WDR70: variants seen among roughly 807,000 people sequenced by gnomAD.
The protein encoded by WDR70 is WD repeat domain 70.
Under a neutral mutation model 88.6 loss-of-function variants are expected in WDR70, and 53 were observed. That is an observed-to-expected ratio of 0.60 (90% CI 0.48 to 0.75). The LOEUF is 0.75. Ranked by LOEUF, WDR70 falls within the 30% of genes least tolerant of loss-of-function variation. The pLI is 0.00. For missense variants in WDR70, 610 were observed against 823.2 expected (o/e 0.74, Z 3.17); for synonymous variants, 280 against 270.0 (o/e 1.04, Z -0.36).
chr5:37,382,622 G>A (rs1211231134), intron 3 of WDR70, among the ~76,000 whole-genome samples: 1 of 152,044 alleles, frequency 6.6e-6, no homozygotes, highest in Non-Finnish European at 1.5e-5. Flanking sequence ...ATGTTAGCCA[G>A]GATGGTCTTG....
chr5:37,751,951 G>C (rs1561106082), intron 17 of WDR70, among the ~76,000 whole-genome samples: 1 of 152,122 alleles, frequency 6.6e-6, no homozygotes, highest in East Asian at 1.9e-4. Flanking sequence ...GGAATGCGGG[G>C]GATATTCGTT....
chr5:37,506,104 G>A (rs1296302201), intron 8 of WDR70: 1 of 1,186,054 alleles, frequency 8.4e-7, no homozygotes, highest in Non-Finnish European at 1.3e-6. Context: ...AGATTTGCAT[G>A]TGCAAGATTG....
chr5:37,546,042 A>T (rs1741981503), intron 9 of WDR70, among the ~76,000 whole-genome samples: 1 of 152,208 alleles, frequency 6.6e-6, no homozygotes, highest in Non-Finnish European at 1.5e-5. Flanking sequence ...TATCCAATAT[A>T]AGATAATAAA....
At chr5:37,696,929 T>A (rs1358039336) in intron 10 of WDR70, among the ~76,000 whole-genome samples, 1 of 152,204 alleles carries the variant, frequency 6.6e-6, no homozygotes, top group Non-Finnish European at 1.5e-5. Context: ...AGAAGGATTA[T>A]AATGAAGTAT....
rs114294398 is a variant in WDR70 at position 37,668,654 on chromosome 5, G to A, written c.1093-29001G>A. Among the ~76,000 whole-genome samples, 544 of 152,270 alleles carry A rather than the reference G, an allele frequency of 3.6e-3. 3 individuals are homozygous for A. The highest frequency in any genetic ancestry group is 0.012 in the African/African-American group (513 of 41,552). ...ACAGGGAGCCAGAAGATTCCAGAGC[G>A]GTGGCATCATATTCTGCCTGTGACT... On this transcript the variant is annotated intron_variant, in intron 10 of 17. Coordinates refer to ENST00000265107, the MANE Select transcript of WDR70 (RefSeq NM_018034.4).
intron 17 of WDR70, among the ~76,000 whole-genome samples, chr5:37,752,140 C>T (rs10075844): frequency 0.99 from 150,223 of 152,286 alleles, 74,126 homozygotes; most frequent in East Asian, 1. Context: ...GACTGTAGTT[C>T]GTTCTTCCAT....
intron 9 of WDR70, among the ~76,000 whole-genome samples, chr5:37,534,513 T>C (rs1266216520): frequency 6.6e-6 from 1 of 151,598 alleles, no homozygotes; most frequent in Admixed American, 6.6e-5. Flanking sequence ...TTTTTTTTTT[T>C]TGTGACAAAA....
At position 37,432,530 on chromosome 5, in the gene WDR70, A is replaced by C. The variant is rs551689592; in HGVS notation, c.493-5392A>C. Among the ~76,000 whole-genome samples the C allele has an allele frequency of 1.5e-4, 22 of 151,286 alleles. No individual in the cohort carries two copies. In the East Asian group the frequency reaches 4.1e-3, roughly 28 times the overall value. ...CAGCCTCCTGAGTAGCTGGGACTAC[A>C]GGCGTGTGCCACCACGCCCGGCTAA... On this transcript the variant is annotated intron_variant, in intron 5 of 17. Coordinates refer to ENST00000265107, the MANE Select transcript of WDR70 (RefSeq NM_018034.4).
intron 10 of WDR70, among the ~76,000 whole-genome samples, chr5:37,622,890 A>G (rs1273676816): frequency 6.6e-6 from 1 of 152,186 alleles, no homozygotes; most frequent in African/African-American, 2.4e-5. Context: ...TTAATGTATA[A>G]TAATAAAAAA....
chr5:37,692,571 C>T lies in WDR70; in HGVS notation c.1093-5084C>T, dbSNP rs1335005781. Among the ~76,000 whole-genome samples the T allele has an allele frequency of 2.0e-5, 3 of 152,266 alleles. No individual in the cohort carries two copies. In the East Asian group the frequency reaches 5.8e-4, roughly 29 times the overall value. On this transcript the variant is annotated intron_variant, in intron 10 of 17. Transcript: ENST00000265107. The stretch of plus-strand genomic sequence containing the variant: ...CAAGGATAGTTTAACATACGTAAAT[C>T]AATAAATGTAATCCCTCACATAAAC...
intron 10 of WDR70, among the ~76,000 whole-genome samples, chr5:37,639,213 A>G (rs180738744): frequency 7.9e-5 from 12 of 152,324 alleles, no homozygotes; most frequent in Admixed American, 2.6e-4. Context: ...AACCTGAGAA[A>G]TTTCCTGACA....
At chr5:37,503,231 C>T (rs1347828817) in intron 8 of WDR70, among the ~76,000 whole-genome samples, 1 of 151,054 alleles carries the variant, frequency 6.6e-6, no homozygotes, top group Non-Finnish European at 1.5e-5. Context: ...AGAGGATTCC[C>T]TCCTTTTTCT....
Position 37,645,625 on chromosome 5 carries a change from A to G in WDR70, c.1092+40387A>G, listed in dbSNP as rs545693004. Among the ~76,000 whole-genome samples the G allele has an allele frequency of 2.0e-5, 3 of 152,084 alleles. No individual in the cohort carries two copies. In the East Asian group the frequency reaches 5.8e-4, roughly 29 times the overall value. ...GGTTTCTCTCTCTTTAGCTCCAGTA[A>G]TGTTTGCTATATACATCTGGGTGCT... On this transcript the variant is annotated intron_variant, in intron 10 of 17. Coordinates refer to ENST00000265107, the MANE Select transcript of WDR70 (RefSeq NM_018034.4).
rs182889078 is a variant in WDR70, at chr5:37,386,020, A to G, written c.175+4335A>G. ...AGTAGAGACAGGGTTTCACCCTGTTAGCCAGGATGGTCTCGATCTCCTGCC... is the reference window on the plus strand; with the variant it reads ...AGTAGAGACAGGGTTTCACCCTGTTGGCCAGGATGGTCTCGATCTCCTGCC... On this transcript the variant is annotated intron_variant, in intron 3 of 17. Coordinates refer to ENST00000265107, the MANE Select transcript of WDR70 (RefSeq NM_018034.4). 3.1e-4 allele frequency among the ~76,000 whole-genome samples: 45 copies of G among 143,806 alleles called. 1 individual carries two copies. Among genetic ancestry groups the G allele is most frequent in the East Asian group, 2.7e-3 (13 of 4,848 alleles). The allele number at this position is 143,806 out of a possible 152,430, so 94.3% of individuals were successfully genotyped here.
intron 8 of WDR70, among the ~76,000 whole-genome samples, chr5:37,484,866 A>G (rs1581326050): frequency 1.3e-5 from 2 of 152,220 alleles, no homozygotes; most frequent in Non-Finnish European, 2.9e-5. Context: ...TAGAATCACA[A>G]GGAAACTCCA....
chr5:37,602,500 G>C (rs532747500), intron 9 of WDR70, among the ~76,000 whole-genome samples: 2 of 150,520 alleles, frequency 1.3e-5, no homozygotes, highest in African/African-American at 4.9e-5. Flanking sequence ...CCAGCTACTC[G>C]GGAAGCTGAG....
At chr5:37,540,660 G>A (rs1741791088) in intron 9 of WDR70, among the ~76,000 whole-genome samples, 2 of 152,194 alleles carry the variant, frequency 1.3e-5, no homozygotes, top group Non-Finnish European at 2.9e-5. Flanking sequence ...GATAACAGGC[G>A]TGAGCCATTG....
At chr5:37,687,993 T>C in intron 10 of WDR70, 1 of 673,202 alleles carries the variant, frequency 1.5e-6, no homozygotes, top group Non-Finnish European at 2.7e-6. Flanking sequence ...TCCACTGGAC[T>C]CTATAACTTT....
At chr5:37,383,805 G>A (rs1369169141) in intron 3 of WDR70, among the ~76,000 whole-genome samples, 4 of 149,992 alleles carry the variant, frequency 2.7e-5, no homozygotes, top group South Asian at 2.1e-4. Flanking sequence ...GGATGGTCTC[G>A]ATCTCCTGAC....
Sources: allele counts gnomAD v4.1 joint callset (sites outside exome capture counted in the v4.1 genomes callset), GRCh38; gene constraint gnomAD v4.1.1; transcripts MANE v1.5; gene names NCBI Gene and HGNC (gene_info 2026-07-23, HGNC 2026-07-21).